Variants in LIN28A observed in about 807,000 individuals in gnomAD.
The protein encoded by LIN28A is lin-28 RNA binding posttranscriptional regulator A.
Under a neutral mutation model 21.1 loss-of-function variants are expected in LIN28A, and 11 were observed. The ratio of observed to expected loss-of-function variants is 0.52; its 90% CI spans 0.33 to 0.86. The LOEUF (loss-of-function observed/expected upper bound fraction) is 0.86. Among genes scored for constraint, LIN28A ranks in the 40% least tolerant of loss-of-function variants. LIN28A has a pLI of 0.03. For synonymous variants in LIN28A, 111 were observed against 108.7 expected, an observed-to-expected ratio of 1.02 and a Z score of -0.13; for missense variants, 219 against 279.8, an observed-to-expected ratio of 0.78 and a Z score of 1.55.
intron 2 of LIN28A, among the ~76,000 whole-genome samples, chr1:26,421,693 T>G (rs2124298495): frequency 6.6e-6 from 1 of 152,344 alleles, no homozygotes; most frequent in Non-Finnish European, 1.5e-5. Flanking sequence ...TTTTCTTACC[T>G]ATTGATTTCT....
chr1:26,425,346 A>C lies in LIN28A; in HGVS notation c.272A>C (p.Glu91Ala), dbSNP rs758846019. The change falls in exon 3 of 4, where the codon GAG becomes GCG. Residue 91 changes from glutamate to alanine, a missense_variant. By Grantham distance (107) the Glu-to-Ala change is moderately radical (BLOSUM62 -1). Coordinates refer to ENST00000326279, the MANE Select transcript of LIN28A (RefSeq NM_024674.6). ...GGGTTCCGGAGCTTGAAGGAGGGTG[A>C]GGCAGTGGAGTTCACCTTTAAGAAG... ...MEGFRSLKEGEAVEFTFKKSA... is the reference protein window; with the variant it reads ...MEGFRSLKEGAAVEFTFKKSA... The C allele has an allele frequency of 2.5e-6, 4 of 1,614,004 alleles. No individual in the cohort carries two copies. The South Asian group carries it at 4.4e-5, about 18-fold the overall frequency.
At chr1:26,416,674 G>T (rs1299510951) in intron 2 of LIN28A, among the ~76,000 whole-genome samples, 1 of 152,066 alleles carries the variant, frequency 6.6e-6, no homozygotes, top group African/African-American at 2.4e-5. Flanking sequence ...CTGGAGTGCA[G>T]TGGCGCCGTC....
chr1:26,425,399 G>A lies in LIN28A; in HGVS notation c.325G>A (p.Val109Ile). 6.2e-7 allele frequency: 1 copy of A among 1,614,202 alleles called. No homozygotes were observed. The highest frequency in any genetic ancestry group is 8.5e-7 in the Non-Finnish European group (1 of 1,180,032). The change falls in exon 3 of 4, where the codon GTC (valine) becomes ATC (isoleucine). Residue 109 changes from valine (V) to isoleucine (I), a missense_variant. Transcript: ENST00000326279. Reference sequence around the variant, plus strand: ...AGCCAAGGGTCTGGAATCCATCCGTGTCACCGGACCTGGTGGAGTATTCTG... The same window carrying A: ...AGCCAAGGGTCTGGAATCCATCCGTATCACCGGACCTGGTGGAGTATTCTG... ...KSAKGLESIR[V>I]TGPGGVFCIG...
intron 2 of LIN28A, among the ~76,000 whole-genome samples, chr1:26,418,501 G>A (rs954251771): frequency 7.9e-5 from 12 of 151,366 alleles, no homozygotes; most frequent in African/African-American, 2.9e-4. Context: ...AGCCGAGATT[G>A]TGCCACTGCA....
Position 26,425,341 on chromosome 1 carries a change from G to A in LIN28A, c.267G>A (p.Glu89=). Residue 89 remains glutamate, a synonymous_variant, in exon 3 of 4, where the codon GAG becomes GAA. Coordinates refer to ENST00000326279, the MANE Select transcript of LIN28A (RefSeq NM_024674.6). ...LHMEGFRSLK[E]GEAVEFTFKK... ...TGGAAGGGTTCCGGAGCTTGAAGGA[G>A]GGTGAGGCAGTGGAGTTCACCTTTA... 2 of 1,613,956 alleles carry A rather than the reference G, an allele frequency of 1.2e-6. No homozygotes were observed. The highest frequency in any genetic ancestry group is 2.2e-5 in the East Asian group (1 of 44,884).
intron 2 of LIN28A, among the ~76,000 whole-genome samples, chr1:26,422,937 TTTTG>T (rs1218484560): frequency 1.3e-5 from 2 of 152,174 alleles, no homozygotes; most frequent in Non-Finnish European, 2.9e-5. Flanking sequence ...GTTTTGGTGT[TTTTG>T]TTTGTTTCTG....
At chr1:26,419,397 G>A (rs1242151476) in intron 2 of LIN28A, among the ~76,000 whole-genome samples, 1 of 152,078 alleles carries the variant, frequency 6.6e-6, no homozygotes, top group Non-Finnish European at 1.5e-5. Context: ...GACCTGAGAG[G>A]ACTAGTCAAT....
At chr1:26,425,592 T>A in intron 3 of LIN28A, 105 bp downstream of exon 3, 1 of 1,098,702 alleles carries the variant, frequency 9.1e-7, no homozygotes, top group Non-Finnish European at 1.3e-6. Flanking sequence ...AAGCCTGTGG[T>A]CCCTGGCAGC....
chr1:26,426,097 C>G, intron 3 of LIN28A, 145 bp from the exon 4 acceptor site: 1 of 629,394 alleles, frequency 1.6e-6, no homozygotes. Context: ...TAGTAATAGT[C>G]CTCCTTTTGC....
At chr1:26,414,533 C>T (rs1256056035) in intron 2 of LIN28A, among the ~76,000 whole-genome samples, 1 of 152,100 alleles carries the variant, frequency 6.6e-6, no homozygotes, top group Non-Finnish European at 1.5e-5. Flanking sequence ...GAAAAGCCCA[C>T]CCCCAGCCAA....
At chr1:26,424,623 T>C (rs1222715295) in intron 2 of LIN28A, among the ~76,000 whole-genome samples, 1 of 152,164 alleles carries the variant, frequency 6.6e-6, no homozygotes, top group Non-Finnish European at 1.5e-5. Context: ...CAGGCTGGAG[T>C]GCAAAGGCGC....
intron 2 of LIN28A, among the ~76,000 whole-genome samples, chr1:26,412,376 G>T (rs2074966063): frequency 6.6e-6 from 1 of 152,090 alleles, no homozygotes; most frequent in South Asian, 2.1e-4. Flanking sequence ...GGCATTTATG[G>T]CCCCAGACAG....
intron 2 of LIN28A, among the ~76,000 whole-genome samples, chr1:26,424,255 A>C (rs1050703147): frequency 9.9e-5 from 15 of 151,226 alleles, no homozygotes; most frequent in African/African-American, 2.7e-4. Context: ...TTATTTATTT[A>C]TTTCTTTGAG....
At chr1:26,422,489 C>T (rs1374785229) in intron 2 of LIN28A, among the ~76,000 whole-genome samples, 1 of 148,762 alleles carries the variant, frequency 6.7e-6, no homozygotes, top group African/African-American at 2.5e-5. Context: ...GTTCTTCAGG[C>T]TTTGTCTTTT....
chr1:26,426,372 C>G lies in LIN28A; in HGVS notation c.544C>G (p.Pro182Ala), dbSNP rs200820472. The change falls in exon 4 of 4, where the codon CCT (proline) becomes GCT (alanine). Residue 182 changes from proline to alanine, a missense_variant. Transcript: ENST00000326279. Reference sequence around the variant, plus strand: ...ATGTCCGCTGAAGGCCCAGCAGGGCCCTAGTGCACAGGGAAAGCCAACCTA... The same window carrying G: ...ATGTCCGCTGAAGGCCCAGCAGGGCGCTAGTGCACAGGGAAAGCCAACCTA... Reference protein sequence around the residue: ...ASCPLKAQQGPSAQGKPTYFR... With the variant: ...ASCPLKAQQGASAQGKPTYFR... 133 of 1,614,142 alleles carry G rather than the reference C, an allele frequency of 8.2e-5. No individual in the cohort carries two copies. Among genetic ancestry groups the G allele is most frequent in the Middle Eastern group, 1.6e-4 (1 of 6,062 alleles).
intron 2 of LIN28A, among the ~76,000 whole-genome samples, chr1:26,423,267 C>A (rs950404688): frequency 6.6e-6 from 1 of 151,994 alleles, no homozygotes; most frequent in African/African-American, 2.4e-5. Flanking sequence ...TGTTGAACTC[C>A]TGGATTCATG....
rs1557428387 is a variant in LIN28A at position 26,429,394 on chromosome 1, G to C, written c.*2936G>C. 6.6e-6 allele frequency: 1 copy of C among 152,654 alleles called. No homozygotes were observed. Among genetic ancestry groups the C allele is most frequent in the Non-Finnish European group, 1.5e-5 (1 of 68,056 alleles). 9.5% of individuals were successfully genotyped at this position (152,654 alleles called of 1,614,324 possible). ...AAGTGGCCACAAGATTGTTTAATAG[G>C]AGACGAACGAATGTAACTCCATGTT... On this transcript the variant is annotated 3_prime_UTR_variant, in exon 4 of 4. Transcript: ENST00000326279.
chr1:26,423,326 A>G (rs1443489600), intron 2 of LIN28A, among the ~76,000 whole-genome samples: 1 of 150,776 alleles, frequency 6.6e-6, no homozygotes, highest in Non-Finnish European at 1.5e-5. Context: ...ACAGACAGGC[A>G]TGAGCCACTG....
Position 26,411,371 on chromosome 1 carries a change from C to A in LIN28A, c.32-15C>A. The A allele has an allele frequency of 1.3e-6, 2 of 1,564,222 alleles. No individual in the cohort carries two copies. Among genetic ancestry groups the A allele is most frequent in the African/African-American group, 1.4e-5 (1 of 72,712 alleles). On this transcript the variant is annotated splice_polypyrimidine_tract_variant and intron_variant, in intron 1 of 3. Coordinates refer to ENST00000326279, the MANE Select transcript of LIN28A (RefSeq NM_024674.6). This position sits in a 1 kb window ranked among gnomAD's most constrained non-coding sequence, Gnocchi z 5.4. ...CGTGCCCCCCAGCTAAGTGCCCGGC[C>A]CTCCCTCTCTCCAGGTGGCTGCGCC... is the stretch of plus-strand genomic sequence containing the variant.
Sources: allele counts gnomAD v4.1 joint callset (sites outside exome capture counted in the v4.1 genomes callset), GRCh38; gene constraint gnomAD v4.1.1; non-coding constraint Gnocchi (gnomAD v3.1); transcripts MANE v1.5; gene names NCBI Gene and HGNC (gene_info 2026-07-23, HGNC 2026-07-21).